The following CIZ1 variants were observed in gnomAD, a reference collection of about 807,000 sequenced individuals.
CIZ1 encodes cip1-interacting zinc finger protein.
CIZ1 carries 58 observed loss-of-function variants against 118.6 expected under a neutral mutation model. That is an observed-to-expected ratio of 0.49 (90% CI 0.40 to 0.61). The LOEUF (loss-of-function observed/expected upper bound fraction) is 0.61. Among genes scored for constraint, CIZ1 ranks in the 20% least tolerant of loss-of-function variants. The probability of loss-of-function intolerance (pLI) is 0.00; values close to 1 mark genes in which losing one functional copy is unlikely to be tolerated. For missense variants in CIZ1, 921 were observed against 1,115.9 expected (o/e 0.83, Z 2.49); for synonymous variants, 448 against 443.4 (o/e 1.01, Z -0.13).
intron 3 of CIZ1, among the ~76,000 whole-genome samples, 197 bp downstream of exon 3, chr9:128,190,132 G>A (rs1474310250): frequency 6.6e-6 from 1 of 152,218 alleles, no homozygotes. Flanking sequence ...ACACACCTCT[G>A]CAATCAGACA....
intron 12 of CIZ1, 99 bp downstream of exon 12, chr9:128,169,921 C>T: frequency 8.4e-7 from 1 of 1,191,994 alleles, no homozygotes; most frequent in Non-Finnish European, 1.2e-6. Flanking sequence ...TGTGCAGGGG[C>T]AAAGAGGAAC....
intron 11 of CIZ1, among the ~76,000 whole-genome samples, chr9:128,172,461 C>A (rs149173249): frequency 0.018 from 2,784 of 152,194 alleles, 79 homozygotes; most frequent in African/African-American, 0.063. Context: ...CCACTGCACT[C>A]CAGCCTGGGC....
chr9:128,190,299 G>A (rs1269355597), intron 3 of CIZ1, 30 bp downstream of exon 3: 5 of 1,492,490 alleles, frequency 3.4e-6, no homozygotes, highest in Non-Finnish European at 2.8e-6. Flanking sequence ...CACTAAAAGA[G>A]ACTGAGAAGA....
intron 5 of CIZ1, among the ~76,000 whole-genome samples, chr9:128,181,674 G>C (rs149006168): frequency 0.069 from 10,449 of 151,936 alleles, 756 homozygotes; most frequent in East Asian, 0.43. Flanking sequence ...GCCAGCGTCT[G>C]GGAAGACGCC....
upstream of CIZ1, among the ~76,000 whole-genome samples, chr9:128,193,017 A>C (rs369584407): frequency 3.9e-5 from 6 of 152,220 alleles, no homozygotes; most frequent in African/African-American, 1.2e-4. Flanking sequence ...CTCGGGCAGC[A>C]GAATTCGCGC....
chr9:128,172,278 G>A (rs918903773), intron 11 of CIZ1, among the ~76,000 whole-genome samples: 54 of 152,224 alleles, frequency 3.5e-4, no homozygotes, highest in African/African-American at 1.3e-3. Flanking sequence ...GGATCACTGA[G>A]GTCAGGAGTT....
Position 128,191,365 on chromosome 9 carries a change from G to T in CIZ1, c.-6+67C>A. On this transcript the variant is annotated intron_variant, in intron 1 of 16. Coordinates refer to ENST00000372938, the MANE Select transcript of CIZ1 (RefSeq NM_001131016.2). This position sits in a 1 kb window ranked among gnomAD's most constrained non-coding sequence, Gnocchi z 5.5. ...TCCGCCCGCTCCCACCCCGCCAGCC[G>T]CCTCCTCCGCAGACACAGCCAGCTC... 2 of 511,712 alleles carry T rather than the reference G, an allele frequency of 3.9e-6. No homozygotes were observed. Among genetic ancestry groups the T allele is most frequent in the Non-Finnish European group, 5.1e-6 (2 of 394,232 alleles). 31.7% of individuals were successfully genotyped at this position (511,712 alleles called of 1,614,324 possible). A position where few individuals can be genotyped will look rare whatever the true frequency, so the allele number is the denominator to read the frequency against.
chr9:128,182,362 A>C (rs1831777333), intron 5 of CIZ1, among the ~76,000 whole-genome samples: 1 of 152,044 alleles, frequency 6.6e-6, no homozygotes, highest in Non-Finnish European at 1.5e-5. Flanking sequence ...ACAGGTCTCA[A>C]ACTCCTGACC....
Position 128,166,801 on chromosome 9 carries a change from C to T in CIZ1, c.2445G>A (p.Gln815=), listed in dbSNP as rs1829484461. ...GGCCCAGGGACTTGCAGTGGGAGAG[C>T]TGTGCCCCTGAGTTGCTGTGATAGA... ...HKFYHSNSGA[Q]LSHCKSLGHF... is the part of the protein sequence containing the mutation. The change falls in exon 16 of 17, where the codon CAG becomes CAA. Residue 815 remains glutamine, a synonymous_variant. Transcript: ENST00000372938. The surrounding 1 kb of genome is among the most constrained non-coding windows in gnomAD (Gnocchi z 4.4). 6.2e-7 allele frequency: 1 copy of T among 1,614,228 alleles called. No homozygotes were observed. Among genetic ancestry groups the T allele is most frequent in the South Asian group, 1.1e-5 (1 of 91,088 alleles).
upstream of CIZ1, chr9:128,191,704 G>C (rs940519611): frequency 3.7e-5 from 49 of 1,307,180 alleles, no homozygotes; most frequent in African/African-American, 6.8e-4. The surrounding 1 kb of genome is among the most constrained non-coding windows in gnomAD (Gnocchi z 5.5). Flanking sequence ...GCGCTAGCAG[G>C]TGCGAGGGGG....
intron 12 of CIZ1, 66 bp from the exon 13 acceptor site, chr9:128,169,585 G>A: frequency 6.3e-7 from 1 of 1,598,274 alleles, no homozygotes; most frequent in Non-Finnish European, 8.5e-7. Context: ...CACCCAGGCA[G>A]GGCCCAGCAA....
rs553954184 is a variant in CIZ1, at chr9:128,168,279, G to C, written c.2295+773C>G. Among the ~76,000 whole-genome samples the C allele has an allele frequency of 7.0e-4, 106 of 152,332 alleles. 1 individual carries two copies. The highest frequency in any genetic ancestry group is 6.8e-3 in the Middle Eastern group (2 of 294). On this transcript the variant is annotated intron_variant, in intron 14 of 16. Coordinates refer to ENST00000372938, the MANE Select transcript of CIZ1 (RefSeq NM_001131016.2). ...GCCTGTAATCCCAGCACTTTGGTAGGCCGAGGTGGGTGGATCACCTGAGGT... is the reference window on the plus strand; with the variant it reads ...GCCTGTAATCCCAGCACTTTGGTAGCCCGAGGTGGGTGGATCACCTGAGGT...
Position 128,178,982 on chromosome 9 carries a change from G to A in CIZ1, c.1225C>T (p.Pro409Ser), listed in dbSNP as rs1178103929. The A allele has an allele frequency of 6.2e-7, 1 of 1,613,032 alleles. No homozygotes were observed. The highest frequency in any genetic ancestry group is 1.1e-5 in the South Asian group (1 of 90,632). ...CTTGGGGGCTGTGAATGTGCCTGGG[G>A]CTGCACCTGTGGCTGCACCTGCTTC... ...PLKQVQPQVQPQAHSQPPRQV... is the reference protein window; with the variant it reads ...PLKQVQPQVQSQAHSQPPRQV... The change falls in exon 8 of 17, where the codon CCC (proline) becomes TCC (serine). Residue 409 changes from proline to serine, a missense_variant. Transcript: ENST00000372938.
intron 11 of CIZ1, among the ~76,000 whole-genome samples, chr9:128,172,981 A>T (rs1830327851): frequency 6.6e-6 from 1 of 152,056 alleles, no homozygotes; most frequent in South Asian, 2.1e-4. Flanking sequence ...GCAAGCAACA[A>T]AATCAGACTT....
Position 128,187,826 on chromosome 9 carries a change from T to C in CIZ1, c.358+37A>G, listed in dbSNP as rs201965619. 586 of 533,118 alleles carry C rather than the reference T, an allele frequency of 1.1e-3. 3 individuals are homozygous for C. Among genetic ancestry groups the C allele is most frequent in the Non-Finnish European group, 3.3e-4 (97 of 293,610 alleles). 33.0% of individuals were successfully genotyped at this position (533,118 alleles called of 1,614,324 possible). A position where few individuals can be genotyped will look rare whatever the true frequency, so the allele number is the denominator to read the frequency against. On this transcript the variant is annotated intron_variant, in intron 4 of 16. Transcript: ENST00000372938. Reference sequence around the variant, plus strand: ...GCCAACCAACTTAATTATATGTATATATACATTTATATATATATATAAAAA... The same window carrying C: ...GCCAACCAACTTAATTATATGTATACATACATTTATATATATATATAAAAA...
At chr9:128,168,017 C>T (rs935039670) in intron 14 of CIZ1, among the ~76,000 whole-genome samples, 1 of 152,150 alleles carries the variant, frequency 6.6e-6, no homozygotes, top group South Asian at 2.1e-4. Context: ...GACTGCAGGC[C>T]CCCCCACCAC....
chr9:128,197,773 A>G (rs570705165), intron 1 of CIZ1: 13 of 152,404 alleles, frequency 8.5e-5, no homozygotes, highest in African/African-American at 2.9e-4. Flanking sequence ...GATGATGGTT[A>G]TAATGACACT....
At chr9:128,202,857 C>T (rs1398150384) in intron 1 of CIZ1, 1 of 152,246 alleles carries the variant, frequency 6.6e-6, no homozygotes, top group Non-Finnish European at 1.5e-5. Context: ...GTGCCTAGGA[C>T]AGGGCCTGGC....
intron 1 of CIZ1, among the ~76,000 whole-genome samples, chr9:128,202,539 G>T (rs970732547): frequency 2.0e-5 from 3 of 152,050 alleles, no homozygotes; most frequent in African/African-American, 7.3e-5. Flanking sequence ...GCACTTGCTG[G>T]TCATTCAGCC....
Sources: gnomAD v4.1 joint callset for allele counts (sites outside exome capture counted in the v4.1 genomes callset) on GRCh38, gnomAD v4.1.1 for gene constraint, Gnocchi (gnomAD v3.1) non-coding constraint, MANE v1.5 for transcripts, NCBI Gene and HGNC (gene_info 2026-07-23, HGNC 2026-07-21) for gene names.